SPATA6L: variants seen among roughly 807,000 people sequenced by gnomAD.
SPATA6L encodes the protein spermatogenesis associated 6 like, also known as spermatogenesis associated 6-like protein.
A neutral mutation model predicts 49.2 loss-of-function variants in SPATA6L; 68 were observed. That is an observed-to-expected ratio of 1.38 (90% confidence interval 1.14 to 1.69). SPATA6L has a LOEUF of 1.69. Among genes scored for constraint, SPATA6L ranks in the 40% most tolerant of loss-of-function variants. The probability of loss-of-function intolerance (pLI) is 0.00; values close to 1 mark genes in which losing one functional copy is unlikely to be tolerated. For missense variants in SPATA6L, 668 were observed against 464.3 expected, an observed-to-expected ratio of 1.44 and a Z score of -4.03; for synonymous variants, 198 against 165.7, an observed-to-expected ratio of 1.19 and a Z score of -1.50.
At chr9:4,627,765 A>C in intron 5 of SPATA6L, 1 of 1,289,376 alleles carries the variant, frequency 7.8e-7, no homozygotes, top group South Asian at 1.2e-5. Context: ...AAGACGGACC[A>C]TGAATACAAT....
At chr9:4,654,145 C>T (rs7037867) in intron 3 of SPATA6L, among the ~76,000 whole-genome samples, 11,952 of 152,212 alleles carry the variant, frequency 0.079, 1,098 homozygotes, top group African/African-American at 0.22. Flanking sequence ...AAATGACAGA[C>T]AATAACAAGT....
chr9:4,634,795 C>A (rs560375913), intron 4 of SPATA6L, among the ~76,000 whole-genome samples: 20 of 152,160 alleles, frequency 1.3e-4, no homozygotes, highest in Non-Finnish European at 2.2e-4. Context: ...GGAATATCTG[C>A]TACATCCTTC....
rs1349924570 is a variant in SPATA6L at position 4,600,780 on chromosome 9, T to C, written c.*31A>G. Reference sequence around the variant, plus strand: ...ATTGTCTCAGTGAGTGAGCTCTTCATGATTCTCCTTAAGCTTTCATTAATT... The same window carrying C: ...ATTGTCTCAGTGAGTGAGCTCTTCACGATTCTCCTTAAGCTTTCATTAATT... On this transcript the variant is annotated 3_prime_UTR_variant, in exon 12 of 12. Coordinates refer to ENST00000682582, the MANE Select transcript of SPATA6L (RefSeq NM_001353486.2). 1.3e-5 allele frequency: 2 copies of C among 152,224 alleles called. No individual in the cohort carries two copies. Among genetic ancestry groups the C allele is most frequent in the Non-Finnish European group, 2.9e-5 (2 of 68,042 alleles). The allele number at this position is 152,224 out of a possible 1,614,324, so 9.4% of individuals were successfully genotyped here.
intron 2 of SPATA6L, among the ~76,000 whole-genome samples, chr9:4,659,429 G>C (rs192458999): frequency 1.3e-5 from 2 of 151,430 alleles, no homozygotes; most frequent in East Asian, 3.9e-4. Flanking sequence ...ATTCACAATT[G>C]CTTCAAAGAG....
intron 1 of SPATA6L, chr9:4,664,593 G>A (rs1435660220): frequency 6.0e-6 from 1 of 167,068 alleles, no homozygotes; most frequent in Non-Finnish European, 1.5e-5. Context: ...GACTGGAGAA[G>A]GTATGTGCTT....
intron 6 of SPATA6L, 192 bp downstream of exon 6, chr9:4,625,135 A>G (rs753660914): frequency 9.9e-7 from 1 of 1,015,150 alleles, no homozygotes; most frequent in Non-Finnish European, 1.3e-6. Flanking sequence ...TCCCCTGTAT[A>G]AGGTACCTTT....
intron 9 of SPATA6L, among the ~76,000 whole-genome samples, chr9:4,609,048 G>A (rs1826018133): frequency 1.3e-5 from 2 of 150,820 alleles, no homozygotes; most frequent in South Asian, 4.1e-4. Flanking sequence ...AAATCTAGAA[G>A]AAATGGATAA....
chr9:4,641,433 T>C (rs918543478), intron 3 of SPATA6L, among the ~76,000 whole-genome samples: 2 of 152,148 alleles, frequency 1.3e-5, no homozygotes, highest in Non-Finnish European at 2.9e-5. Flanking sequence ...TGGTGTAATA[T>C]TTGCATATAA....
chr9:4,625,067 ACT>A, intron 6 of SPATA6L: 1 of 421,526 alleles, frequency 2.4e-6, no homozygotes, highest in Non-Finnish European at 4.0e-6. Context: ...TAGGCATTAT[ACT>A]CTGTTAATAA....
intron 8 of SPATA6L, 83 bp downstream of exon 8, chr9:4,618,781 C>A (rs1033267287): frequency 3.3e-5 from 42 of 1,270,860 alleles, no homozygotes; most frequent in Middle Eastern, 2.1e-4. Context: ...CTAGAAATAT[C>A]CACCACTGAT....
At chr9:4,609,736 A>G (rs538160522) in intron 9 of SPATA6L, among the ~76,000 whole-genome samples, 3 of 151,574 alleles carry the variant, frequency 2.0e-5, no homozygotes, top group South Asian at 2.1e-4. Flanking sequence ...AAACTGGCAC[A>G]AGACAGGGAT....
At chr9:4,604,349 T>C (rs1234760460) in intron 10 of SPATA6L, 80 bp from the exon 11 acceptor site, 1 of 898,250 alleles carries the variant, frequency 1.1e-6, no homozygotes, top group Non-Finnish European at 1.8e-6. Context: ...TAGTTTTGCA[T>C]GTAGGAGGTC....
intron 3 of SPATA6L, among the ~76,000 whole-genome samples, chr9:4,645,971 C>T (rs771272916): frequency 1.1e-4 from 17 of 152,038 alleles, no homozygotes; most frequent in African/African-American, 2.9e-4. Flanking sequence ...TTGAAAATGA[C>T]GAATTATATA....
Position 4,661,951 on chromosome 9 carries a change from C to T in SPATA6L, c.125G>A (p.Ser42Asn). The T allele has an allele frequency of 1.2e-6, 2 of 1,614,026 alleles. No individual in the cohort carries two copies. The highest frequency in any genetic ancestry group is 1.7e-6 in the Non-Finnish European group (2 of 1,179,904). ...CATAATGGGGAACGCAGAGGGAAAG[C>T]TGTTGGTCTCCAGGTACTGATTCAT... Reference protein sequence around the residue: ...YLMNQYLETNSFPSAFPIMIQ... With the variant: ...YLMNQYLETNNFPSAFPIMIQ... The change falls in exon 2 of 12, where the codon AGC becomes AAC. Residue 42 changes from serine (S) to asparagine (N), a missense_variant. Transcript: ENST00000682582.
At chr9:4,613,227 CAAA>C (rs910846150) in intron 9 of SPATA6L, among the ~76,000 whole-genome samples, 1 of 129,758 alleles carries the variant, frequency 7.7e-6, no homozygotes, top group Non-Finnish European at 1.6e-5. Context: ...GATTCTATCT[CAAA>C]AAAAAAAAAG....
rs768945372 is a variant in SPATA6L, at chr9:4,622,503, C to G, written c.677G>C (p.Ser226Thr). ...KPPFVVRHVDSAKPFGENISE... is the reference protein window; with the variant it reads ...KPPFVVRHVDTAKPFGENISE... ...AATATTCTCACCAAAGGGCTTTGCA[C>G]TGTCCACCTGAAAGTAAAGGAAAGA... is the stretch of plus-strand genomic sequence containing the variant. Residue 226 changes from serine to threonine, a missense_variant, in exon 7 of 12, where the codon AGT becomes ACT. Physicochemically the swap from Ser to Thr is moderately conservative, Grantham distance 58. Transcript: ENST00000682582. The G allele has an allele frequency of 1.2e-6, 2 of 1,608,356 alleles. No homozygotes were observed. Among genetic ancestry groups the G allele is most frequent in the East Asian group, 2.2e-5 (1 of 44,854 alleles).
rs1367489966 is a variant in SPATA6L at position 4,661,921 on chromosome 9, T to C, written c.155A>G (p.Gln52Arg). The C allele has an allele frequency of 1.2e-6, 2 of 1,613,912 alleles. No homozygotes were observed. Among genetic ancestry groups the C allele is most frequent in the East Asian group, 4.5e-5 (2 of 44,874 alleles). Residue 52 changes from glutamine (Q) to arginine (R), a missense_variant, in exon 2 of 12, where the codon CAG (glutamine) becomes CGG (arginine). Gln to Arg is a conservative substitution (Grantham distance 43). Coordinates refer to ENST00000682582, the MANE Select transcript of SPATA6L (RefSeq NM_001353486.2). ...SFPSAFPIMI[Q>R]ESMRFEKVFE... ...CACCTTTTCAAATCTCATGCTCTCC[T>C]GAATCATAATGGGGAACGCAGAGGG...
chr9:4,663,404 T>A (rs1840337558), intron 1 of SPATA6L: 1 of 909,652 alleles, frequency 1.1e-6, no homozygotes, highest in Non-Finnish European at 1.7e-6. Context: ...ATGATCTTGA[T>A]GTGCTGCTAG....
intron 9 of SPATA6L, among the ~76,000 whole-genome samples, 185 bp downstream of exon 9, chr9:4,617,738 A>G (rs1828332302): frequency 6.6e-6 from 1 of 152,230 alleles, no homozygotes; most frequent in African/African-American, 2.4e-5. Flanking sequence ...TATCCCATTT[A>G]CAGCAAATAT....
Sources: allele counts gnomAD v4.1 joint callset (sites outside exome capture counted in the v4.1 genomes callset), GRCh38; gene constraint gnomAD v4.1.1; transcripts MANE v1.5; gene names NCBI Gene and HGNC (gene_info 2026-07-23, HGNC 2026-07-21).